MTMR3: variants seen among roughly 807,000 people sequenced by gnomAD.
The protein encoded by MTMR3 is myotubularin related protein 3, also known as phosphatidylinositol-3,5-bisphosphate 3-phosphatase MTMR3.
Under a neutral mutation model 132.4 loss-of-function variants are expected in MTMR3, and 32 were observed. The ratio of observed to expected loss-of-function variants is 0.24; its 90% CI spans 0.18 to 0.32. The LOEUF is 0.32. MTMR3 is among the 10% of genes least tolerant of loss of function. MTMR3 has a pLI of 1.00. For synonymous variants in MTMR3, 556 were observed against 550.3 expected (o/e 1.01, Z -0.14); for missense variants, 1,216 against 1,489.6 (o/e 0.82, Z 3.02).
chr22:29,940,601 C>A, intron 1 of MTMR3, among the ~76,000 whole-genome samples: 1 of 149,732 alleles, frequency 6.7e-6, no homozygotes, highest in Middle Eastern at 3.4e-3. Context: ...TAGGAAAAAT[C>A]GGAACATTCT....
At chr22:30,016,972 T>A (rs561617409) in intron 15 of MTMR3, 1 of 351,374 alleles carries the variant, frequency 2.8e-6, no homozygotes. Flanking sequence ...TGGCACTGCC[T>A]CCAGAGCTTA....
chr22:29,993,945 C>G (rs1030229019), intron 7 of MTMR3: 12 of 191,382 alleles, frequency 6.3e-5, no homozygotes, highest in Non-Finnish European at 1.1e-4. Flanking sequence ...AATGCGTATT[C>G]TACGATTTAG....
intron 15 of MTMR3, chr22:30,017,715 G>T: frequency 1.9e-6 from 1 of 513,138 alleles, no homozygotes; most frequent in Non-Finnish European, 3.4e-6. Flanking sequence ...CTCTCAAGTG[G>T]CTCTTAGGTG....
At chr22:29,967,192 G>GTT (rs1249483181) in intron 2 of MTMR3, among the ~76,000 whole-genome samples, 2 of 63,196 alleles carry the variant, frequency 3.2e-5, no homozygotes, top group South Asian at 6.0e-4. Context: ...CTTCACCTCT[G>GTT]TTGTGTGTGT....
chr22:29,998,718 GGTATTCA>G lies in MTMR3; in HGVS notation c.461-42_461-36del, dbSNP rs1208246039. The G allele has an allele frequency of 5.5e-6, 8 of 1,454,546 alleles. No individual in the cohort carries two copies. In the Admixed American group the frequency reaches 1.3e-4, roughly 24 times the overall value. The allele number at this position is 1,454,546 out of a possible 1,614,324, so 90.1% of individuals were successfully genotyped here. ...TTTTATTCCACCTGTTTTGCAAAATGGTATTCATTTCTTCCTTTCTGCTGTTTATCTT... is the reference window on the plus strand; with the variant it reads ...TTTTATTCCACCTGTTTTGCAAAATGTTTCTTCCTTTCTGCTGTTTATCTT... On this transcript the variant is annotated intron_variant, in intron 7 of 19. Transcript: ENST00000401950.
intron 1 of MTMR3, among the ~76,000 whole-genome samples, chr22:29,903,386 C>CTTTTTTT (rs2065036956): frequency 1.0e-5 from 1 of 98,690 alleles, no homozygotes; most frequent in African/African-American, 3.1e-5. Context: ...TTTTCTTTTT[C>CTTTTTTT]TTTCTTTTTT....
At position 29,944,283 on chromosome 22, in the gene MTMR3, G is replaced by A. The variant is rs2065913609; in HGVS notation, c.-137-12753G>A. On this transcript the variant is annotated intron_variant, in intron 1 of 19. Coordinates refer to ENST00000401950, the MANE Select transcript of MTMR3 (RefSeq NM_021090.4). ...GATGGCAAAAACTGTAATTACTTTT[G>A]CACCAATCTAATACTTATCTCCACT... 2.6e-5 allele frequency among the ~76,000 whole-genome samples: 4 copies of A among 151,366 alleles called. No individual in the cohort carries two copies. In the South Asian group the frequency reaches 8.4e-4, roughly 32 times the overall value.
intron 7 of MTMR3, 147 bp from the exon 8 acceptor site, chr22:29,998,614 G>A (rs1250489258): frequency 1.8e-5 from 7 of 390,780 alleles, no homozygotes; most frequent in Non-Finnish European, 3.1e-5. Flanking sequence ...CTGCACTCCG[G>A]CCTATGTGAC....
intron 1 of MTMR3, among the ~76,000 whole-genome samples, chr22:29,915,677 G>A (rs886702780): frequency 3.3e-5 from 5 of 152,062 alleles, no homozygotes; most frequent in Admixed American, 6.6e-5. Context: ...ACCCGCCTTG[G>A]CCTCCTAAAG....
At chr22:29,934,903 GTATT>G (rs1250481454) in intron 1 of MTMR3, among the ~76,000 whole-genome samples, 1 of 152,136 alleles carries the variant, frequency 6.6e-6, no homozygotes, top group Non-Finnish European at 1.5e-5. Flanking sequence ...GAAAATAATG[GTATT>G]TATTCAGAGT....
chr22:29,934,844 A>G (rs532711453), intron 1 of MTMR3, among the ~76,000 whole-genome samples: 1 of 152,240 alleles, frequency 6.6e-6, no homozygotes, highest in East Asian at 1.9e-4. Context: ...TAAAAAGTAC[A>G]TAGCCCAGTG....
intron 1 of MTMR3, among the ~76,000 whole-genome samples, chr22:29,888,084 C>G (rs987720147): frequency 2.6e-5 from 4 of 151,942 alleles, no homozygotes; most frequent in Non-Finnish European, 5.9e-5. Context: ...GTGGCACGAT[C>G]TCGGCTCACT....
At chr22:30,014,223 A>T (rs974032775) in intron 14 of MTMR3, 14 of 152,206 alleles carry the variant, frequency 9.2e-5, no homozygotes, top group African/African-American at 3.4e-4. Flanking sequence ...AACCCACTTC[A>T]ATCAGGCATT....
At chr22:29,884,829 G>T (rs1280821689) in intron 1 of MTMR3, among the ~76,000 whole-genome samples, 1 of 152,232 alleles carries the variant, frequency 6.6e-6, no homozygotes, top group Non-Finnish European at 1.5e-5. Context: ...CTTCGAAAGT[G>T]TTGGGATTAT....
chr22:29,923,218 GT>G lies in MTMR3; in HGVS notation c.-137-33807del, dbSNP rs530826008. Among the ~76,000 whole-genome samples the G allele has an allele frequency of 5.2e-4, 75 of 144,770 alleles. No homozygotes were observed. The South Asian group carries it at 5.3e-3, about 10-fold the overall frequency. The allele number at this position is 144,770 out of a possible 152,430, so 95.0% of individuals were successfully genotyped here. On this transcript the variant is annotated intron_variant, in intron 1 of 19. Transcript: ENST00000401950. ...CACCACTCCCAGCTAATTTTTTGTA[GT>G]TTTTTTTTTTATTTTTATTTTTTAT...
intron 1 of MTMR3, among the ~76,000 whole-genome samples, chr22:29,899,052 G>A (rs1243356413): frequency 6.6e-6 from 1 of 151,240 alleles, no homozygotes; most frequent in Non-Finnish European, 1.5e-5. Flanking sequence ...TTTTGTTTTT[G>A]TTTTACTTGA....
At chr22:29,968,943 TA>T (rs1289841780) in intron 2 of MTMR3, among the ~76,000 whole-genome samples, 1 of 152,164 alleles carries the variant, frequency 6.6e-6, no homozygotes, top group Non-Finnish European at 1.5e-5. Context: ...TTCCAGCCTC[TA>T]AAAAATGGTG....
At chr22:29,931,699 C>T (rs1171110066) in intron 1 of MTMR3, among the ~76,000 whole-genome samples, 1 of 152,086 alleles carries the variant, frequency 6.6e-6, no homozygotes, top group African/African-American at 2.4e-5. Flanking sequence ...AGGCATGAGC[C>T]ACCACACCTG....
At chr22:29,936,345 C>T (rs761722900) in intron 1 of MTMR3, among the ~76,000 whole-genome samples, 21 of 152,050 alleles carry the variant, frequency 1.4e-4, no homozygotes, top group Middle Eastern at 3.2e-3. Context: ...TTGTCTTATC[C>T]GGTCAGCTTT....
Sources: allele counts gnomAD v4.1 joint callset (sites outside exome capture counted in the v4.1 genomes callset), GRCh38; gene constraint gnomAD v4.1.1; transcripts MANE v1.5; gene names NCBI Gene and HGNC (gene_info 2026-07-23, HGNC 2026-07-21).